The following DAB1 variants were observed in gnomAD, a reference collection of about 807,000 sequenced individuals.
DAB1 encodes disabled homolog 1.
DAB1 carries 15 observed loss-of-function variants against 64.6 expected under a neutral mutation model. The ratio of observed to expected loss-of-function variants is 0.23; its 90% CI spans 0.16 to 0.36. The LOEUF (loss-of-function observed/expected upper bound fraction) is 0.36, where lower values mean the gene tolerates loss of function less well. Among genes scored for constraint, DAB1 ranks in the 10% least tolerant of loss-of-function variants. The probability of loss-of-function intolerance (pLI) is 1.00; values close to 1 mark genes in which losing one functional copy is unlikely to be tolerated. For missense variants in DAB1, 596 were observed against 706.7 expected (o/e 0.84, Z 1.78); for synonymous variants, 235 against 251.9 (o/e 0.93, Z 0.64).
At chr1:58,088,627 C>G (rs1650459914) in intron 5 of DAB1, among the ~76,000 whole-genome samples, 1 of 152,138 alleles carries the variant, frequency 6.6e-6, no homozygotes, top group African/African-American at 2.4e-5. Flanking sequence ...GAAGGGAAAT[C>G]ATGTTAACTA....
chr1:57,311,868 G>A (rs886899996), intron 1 of DAB1, among the ~76,000 whole-genome samples: 2 of 152,142 alleles, frequency 1.3e-5, no homozygotes, highest in African/African-American at 4.8e-5. Context: ...GATGGTGATG[G>A]TAAAAATAAT....
chr1:57,825,732 T>G (rs1652321581), downstream of DAB1, among the ~76,000 whole-genome samples: 1 of 152,206 alleles, frequency 6.6e-6, no homozygotes, highest in Non-Finnish European at 1.5e-5. Context: ...ATAAATTTTC[T>G]TATTAGGCAT....
intron 1 of DAB1, among the ~76,000 whole-genome samples, chr1:57,348,859 G>C (rs1020061187): frequency 1.6e-4 from 24 of 152,130 alleles, no homozygotes; most frequent in African/African-American, 5.3e-4. Flanking sequence ...AGACTCCAAA[G>C]TTCTCCAAGA....
At chr1:57,787,938 T>C (rs1191434745) in intron 6 of DAB1, among the ~76,000 whole-genome samples, 2 of 151,022 alleles carry the variant, frequency 1.3e-5, no homozygotes, top group African/African-American at 2.4e-5. Context: ...ATTATGGAAA[T>C]AAAAATGAAG....
At chr1:58,294,865 CGTGTGTGTGTGTGTGT>C (rs55922554) in intron 4 of DAB1, among the ~76,000 whole-genome samples, 60 of 137,726 alleles carry the variant, frequency 4.4e-4, no homozygotes, top group African/African-American at 1.4e-3. Context: ...TGGTCCAGAA[CGTGTGTGTGTGTGTGT>C]GTGTGTGTGT....
chr1:58,328,813 C>T (rs939662222), intron 4 of DAB1, among the ~76,000 whole-genome samples: 3 of 152,108 alleles, frequency 2.0e-5, no homozygotes, highest in African/African-American at 7.2e-5. Context: ...ACCATGTTGG[C>T]CAGGTTGGTC....
In DAB1 at chr1:58,219,329, C is replaced by T. The variant is rs540654505; in HGVS notation, n.310-68741G>A. Among the ~76,000 whole-genome samples the T allele has an allele frequency of 1.3e-4, 20 of 152,204 alleles. 2 individuals are homozygous for T. The highest frequency in any genetic ancestry group is 4.6e-4 in the African/African-American group (19 of 41,528). The stretch of plus-strand genomic sequence containing the variant: ...TCTTATATAGAAAAGCAGGCAGCTA[C>T]GGGGTAAGGGAAGAAGACTCATCCA... On this transcript the variant is annotated intron_variant and non_coding_transcript_variant, in intron 4 of 20. Coordinates refer to the DAB1 transcript ENST00000485760.
intron 3 of DAB1, among the ~76,000 whole-genome samples, chr1:58,421,810 C>T (rs893840214): frequency 1.3e-5 from 2 of 152,150 alleles, no homozygotes; most frequent in African/African-American, 4.8e-5. Context: ...AGAGAGCGGT[C>T]TTCTCAGATT....
At chr1:58,183,976 G>T (rs1304287094) in intron 4 of DAB1, among the ~76,000 whole-genome samples, 1 of 146,086 alleles carries the variant, frequency 6.8e-6, no homozygotes, top group Admixed American at 6.8e-5. Context: ...GATTGCTATT[G>T]CTTTTAACAA....
intron 1 of DAB1, among the ~76,000 whole-genome samples, chr1:57,415,088 G>C (rs2101069382): frequency 6.6e-6 from 1 of 152,244 alleles, no homozygotes; most frequent in Non-Finnish European, 1.5e-5. Context: ...CACTTTTAGG[G>C]ATGTGTCCTG....
At position 58,416,438 on chromosome 1, in the gene DAB1, C is replaced by T. The variant is rs12071667; in HGVS notation, n.258-73035G>A. Among the ~76,000 whole-genome samples the T allele has an allele frequency of 5.8e-3, 884 of 151,934 alleles. 7 individuals are homozygous for T. Among genetic ancestry groups the T allele is most frequent in the African/African-American group, 0.02 (848 of 41,428 alleles). On this transcript the variant is annotated intron_variant and non_coding_transcript_variant, in intron 3 of 20. Coordinates refer to the DAB1 transcript ENST00000485760. ...TTCTTCTCTTATAGTTGGAAGGCTC[C>T]CATGAGATATGGGATGTGATAAAGG...
intron 3 of DAB1, among the ~76,000 whole-genome samples, chr1:58,458,347 C>T (rs1297396589): frequency 6.6e-6 from 1 of 152,148 alleles, no homozygotes; most frequent in East Asian, 1.9e-4. Context: ...CCTCAAAGAT[C>T]CTTTGGAGAT....
chr1:57,688,197 A>C (rs1266206989), intron 6 of DAB1, among the ~76,000 whole-genome samples: 2 of 152,120 alleles, frequency 1.3e-5, no homozygotes, highest in Non-Finnish European at 2.9e-5. Context: ...GATTATATGG[A>C]ATTTAAGGAA....
chr1:57,726,515 G>A (rs1647212734), intron 6 of DAB1, among the ~76,000 whole-genome samples: 1 of 152,070 alleles, frequency 6.6e-6, no homozygotes, highest in African/African-American at 2.4e-5. Flanking sequence ...CATCAAGGAG[G>A]CTTTGAATAA....
chr1:58,416,148 T>C (rs1372453168), intron 3 of DAB1, among the ~76,000 whole-genome samples: 2 of 152,168 alleles, frequency 1.3e-5, no homozygotes, highest in Non-Finnish European at 2.9e-5. Context: ...ACAAGCAGTG[T>C]GTCCCAGCTC....
At chr1:58,302,939 T>A (rs575310803) in intron 4 of DAB1, among the ~76,000 whole-genome samples, 2 of 152,278 alleles carry the variant, frequency 1.3e-5, no homozygotes, top group Non-Finnish European at 2.9e-5. Context: ...TTATGCCAAG[T>A]ATGTTGTCTG....
intron 4 of DAB1, among the ~76,000 whole-genome samples, chr1:58,194,842 T>C (rs768962918): frequency 2.6e-5 from 4 of 152,204 alleles, no homozygotes; most frequent in African/African-American, 9.7e-5. Flanking sequence ...TATCAGAAGA[T>C]AATATTAAAT....
Position 57,554,046 on chromosome 1 carries a change from C to A in DAB1, n.625+95546G>T, listed in dbSNP as rs111992814. Among the ~76,000 whole-genome samples, 392 of 152,046 alleles carry A rather than the reference C, an allele frequency of 2.6e-3. 1 individual carries two copies. The highest frequency in any genetic ancestry group is 8.6e-3 in the African/African-American group (355 of 41,476). On this transcript the variant is annotated intron_variant and non_coding_transcript_variant, in intron 7 of 20. Transcript: ENST00000485760. ...GAGAGACCTAAGCAGGCTTATCAAC[C>A]AAGAGGAAATAACCGGTAGAGAAGG...
intron 2 of DAB1, among the ~76,000 whole-genome samples, chr1:57,175,831 C>A (rs538375422): frequency 2.6e-5 from 4 of 152,132 alleles, no homozygotes; most frequent in Admixed American, 6.6e-5. Flanking sequence ...AAAATGGCAG[C>A]CCCAGTAAAG....
Sources: allele counts gnomAD v4.1 joint callset (sites outside exome capture counted in the v4.1 genomes callset), GRCh38; gene constraint gnomAD v4.1.1; transcripts MANE v1.5; gene names NCBI Gene and HGNC (gene_info 2026-07-23, HGNC 2026-07-21).